CDC42BPA: variants seen among roughly 807,000 people sequenced by gnomAD.
The protein encoded by CDC42BPA is serine/threonine-protein kinase MRCK alpha.
Under a neutral mutation model 223.5 loss-of-function variants are expected in CDC42BPA, and 80 were observed. The ratio of observed to expected loss-of-function variants is 0.36; its 90% CI spans 0.30 to 0.43. The LOEUF is 0.43. Ranked by LOEUF, CDC42BPA falls within the 20% of genes least tolerant of loss-of-function variation. The probability of loss-of-function intolerance (pLI) is 1.00; values close to 1 mark genes in which losing one functional copy is unlikely to be tolerated. For missense variants in CDC42BPA, 1,743 were observed against 2,099.9 expected, an observed-to-expected ratio of 0.83 and a Z score of 3.32; for synonymous variants, 694 against 718.6, an observed-to-expected ratio of 0.97 and a Z score of 0.55.
intron 1 of CDC42BPA, among the ~76,000 whole-genome samples, chr1:227,294,420 C>T (rs935879518): frequency 2.6e-5 from 4 of 151,942 alleles, no homozygotes; most frequent in Non-Finnish European, 5.9e-5. Flanking sequence ...GTAATGATAA[C>T]TAACATTCAT....
At chr1:227,135,691 A>C (rs1233787636) in intron 10 of CDC42BPA, among the ~76,000 whole-genome samples, 1 of 151,806 alleles carries the variant, frequency 6.6e-6, no homozygotes, top group Non-Finnish European at 1.5e-5. Context: ...TGTCTCTACT[A>C]AAAATACAAA....
At chr1:227,268,643 A>AGT (rs139047760) in intron 1 of CDC42BPA, among the ~76,000 whole-genome samples, 18,573 of 143,842 alleles carry the variant, frequency 0.13, 1,443 homozygotes, top group African/African-American at 0.17. Context: ...GTATATATAT[A>AGT]GTGTGTGTGT....
At chr1:227,079,861 T>G (rs979789562) in intron 17 of CDC42BPA, among the ~76,000 whole-genome samples, 12 of 113,292 alleles carry the variant, frequency 1.1e-4, no homozygotes, top group Middle Eastern at 4.0e-3. Context: ...GGATTTCAGG[T>G]TTTTTTTTTA....
chr1:227,022,020 C>T (rs1558302788), intron 32 of CDC42BPA, among the ~76,000 whole-genome samples: 1 of 40,278 alleles, frequency 2.5e-5, no homozygotes, highest in Non-Finnish European at 5.0e-5. Context: ...CTCCGTCTCC[C>T]CCGCAAAAAA....
chr1:227,113,014 A>G lies in CDC42BPA; in HGVS notation c.1648-101T>C, dbSNP rs910159834. On this transcript the variant is annotated intron_variant, in intron 12 of 36. Coordinates refer to ENST00000366766, the MANE Select transcript of CDC42BPA (RefSeq NM_001394014.1). Reference sequence around the variant, plus strand: ...CATTAAGTCAAGAAGAGCCAAAATTATTCACCTTAGGACAAATTAAAAGAA... The same window carrying G: ...CATTAAGTCAAGAAGAGCCAAAATTGTTCACCTTAGGACAAATTAAAAGAA... 3.9e-5 allele frequency: 42 copies of G among 1,085,736 alleles called. No individual in the cohort carries two copies. In the African/African-American group the frequency reaches 5.7e-4, roughly 15 times the overall value. The allele number at this position is 1,085,736 out of a possible 1,614,324, so 67.3% of individuals were successfully genotyped here. A position where few individuals can be genotyped will look rare whatever the true frequency, so the allele number is the denominator to read the frequency against.
chr1:227,135,855 CAAAAAAAAAAAAAAAAAAAAA>C (rs1175091904), intron 10 of CDC42BPA, among the ~76,000 whole-genome samples: 129 of 6,548 alleles, frequency 0.02, 1 homozygote, highest in Admixed American at 0.14. Context: ...CTCTGTCTCC[CAAAAAAAAAAAAAAAAAAAAA>C]AAAAAAAAAA....
At chr1:227,094,347 C>T (rs1313606486) in intron 15 of CDC42BPA, among the ~76,000 whole-genome samples, 2 of 152,114 alleles carry the variant, frequency 1.3e-5, no homozygotes, top group Non-Finnish European at 2.9e-5. Context: ...GCCAAGTAGC[C>T]ATAAAATGCC....
intron 34 of CDC42BPA, among the ~76,000 whole-genome samples, chr1:227,005,385 G>A (rs1230285859): frequency 1.3e-5 from 2 of 152,184 alleles, no homozygotes; most frequent in Non-Finnish European, 2.9e-5. Flanking sequence ...AACACAGTAA[G>A]TAAAAGCTAT....
rs1472573865 is a variant in CDC42BPA at position 227,111,561 on chromosome 1, T to C, written c.2001+751A>G. On this transcript the variant is annotated intron_variant, in intron 14 of 36. Transcript: ENST00000366766. ...GTGCAATAGTGCGATCTAGGCTCACTGCAACCTCCACCTCCCGGGTTCAAG... is the reference window on the plus strand; with the variant it reads ...GTGCAATAGTGCGATCTAGGCTCACCGCAACCTCCACCTCCCGGGTTCAAG... Among the ~76,000 whole-genome samples the C allele has an allele frequency of 2.6e-5, 4 of 152,220 alleles. No homozygotes were observed. The East Asian group carries it at 7.7e-4, about 29-fold the overall frequency.
intron 2 of CDC42BPA, among the ~76,000 whole-genome samples, chr1:227,213,723 A>G (rs553726255): frequency 1.3e-5 from 2 of 152,224 alleles, no homozygotes; most frequent in Middle Eastern, 3.4e-3. Context: ...TTCATATCAC[A>G]TACTCTTACA....
intron 3 of CDC42BPA, among the ~76,000 whole-genome samples, chr1:227,210,656 T>C (rs765646947): frequency 7.2e-5 from 11 of 152,176 alleles, no homozygotes; most frequent in Non-Finnish European, 1.0e-4. Context: ...TCCAGCTTCA[T>C]TGAAAAAAGT....
chr1:227,063,928 A>T (rs1256397221), intron 21 of CDC42BPA, among the ~76,000 whole-genome samples: 1 of 152,208 alleles, frequency 6.6e-6, no homozygotes, highest in Non-Finnish European at 1.5e-5. Context: ...GAGATAAATT[A>T]AAGAAGTTAG....
chr1:227,031,461 T>C lies in CDC42BPA; in HGVS notation c.3612A>G (p.Leu1204=). 1.2e-6 allele frequency: 2 copies of C among 1,614,118 alleles called. No individual in the cohort carries two copies. The highest frequency in any genetic ancestry group is 1.7e-6 in the Non-Finnish European group (2 of 1,179,986). ...ASNNKCSILM[L]ADTENEKNKW... ...TATTCTTCTCATTCTCAGTGTCTGC[T>C]AGCATCAGGATTGAACATTTGTTAT... The change falls in exon 28 of 37, where the codon CTA becomes CTG. Residue 1204 remains leucine (L), a synonymous_variant. Coordinates refer to ENST00000366766, the MANE Select transcript of CDC42BPA (RefSeq NM_001394014.1).
At chr1:227,145,170 C>A (rs1347844347) in intron 8 of CDC42BPA, among the ~76,000 whole-genome samples, 1 of 152,134 alleles carries the variant, frequency 6.6e-6, no homozygotes, top group Non-Finnish European at 1.5e-5. Flanking sequence ...AATTTGCCAA[C>A]CTCTGCACTT....
intron 23 of CDC42BPA, 86 bp downstream of exon 23, chr1:227,047,841 A>C: frequency 1.5e-6 from 1 of 681,934 alleles, no homozygotes; most frequent in East Asian, 2.8e-5. Flanking sequence ...TTGAAGAAAT[A>C]ATATCAAAAA....
chr1:227,147,311 T>C (rs1660877889), intron 7 of CDC42BPA, 48 bp downstream of exon 7: 1 of 1,313,642 alleles, frequency 7.6e-7, no homozygotes, highest in South Asian at 1.4e-5. Context: ...GGTTTTATTA[T>C]ATGTGTTATT....
chr1:227,285,223 C>T (rs941658251), intron 1 of CDC42BPA, among the ~76,000 whole-genome samples: 2 of 152,200 alleles, frequency 1.3e-5, no homozygotes, highest in Non-Finnish European at 2.9e-5. Context: ...CAGAAGAACA[C>T]ATTGGAATTA....
At chr1:227,187,557 T>A (rs1297344636) in intron 5 of CDC42BPA, among the ~76,000 whole-genome samples, 5 of 148,064 alleles carry the variant, frequency 3.4e-5, no homozygotes, top group Admixed American at 6.8e-5. Context: ...TTACATGTAA[T>A]GGGAATACCA....
At chr1:227,304,442 T>G (rs1015815435) in intron 1 of CDC42BPA, among the ~76,000 whole-genome samples, 3 of 151,786 alleles carry the variant, frequency 2.0e-5, no homozygotes, top group African/African-American at 7.3e-5. Flanking sequence ...CAAAAACCAC[T>G]TTTGAATTTT....
Sources: gnomAD v4.1 joint callset for allele counts (sites outside exome capture counted in the v4.1 genomes callset) on GRCh38, gnomAD v4.1.1 for gene constraint, MANE v1.5 for transcripts, NCBI Gene and HGNC (gene_info 2026-07-23, HGNC 2026-07-21) for gene names.